TVP23C: variants seen among roughly 807,000 people sequenced by gnomAD.
TVP23C encodes the protein Golgi apparatus membrane protein TVP23 homolog C.
In TVP23C, 19 loss-of-function variants were observed where a neutral mutation model predicts 28.7. The ratio of observed to expected loss-of-function variants is 0.66; its 90% CI spans 0.46 to 0.97. The LOEUF (loss-of-function observed/expected upper bound fraction) is 0.97. Among genes scored for constraint, TVP23C ranks in the 50% least tolerant of loss-of-function variants. The probability of loss-of-function intolerance (pLI) is 0.00; values close to 1 mark genes in which losing one functional copy is unlikely to be tolerated. For synonymous variants in TVP23C, 68 were observed against 81.7 expected (o/e 0.83, Z 0.90); for missense variants, 186 against 241.3 (o/e 0.77, Z 1.52).
intron 5 of TVP23C, among the ~76,000 whole-genome samples, chr17:15,506,249 C>T (rs577351007): frequency 6.6e-6 from 1 of 152,258 alleles, no homozygotes; most frequent in Admixed American, 6.5e-5. Flanking sequence ...TGTGAGTGCA[C>T]CAATCGACAC....
intron 5 of TVP23C, among the ~76,000 whole-genome samples, chr17:15,543,243 G>A (rs1983497634): frequency 6.8e-6 from 1 of 147,766 alleles, no homozygotes; most frequent in Non-Finnish European, 1.5e-5. Flanking sequence ...CAGAGCAGCA[G>A]CCACGTGCCT....
chr17:15,563,293 C>T (rs1984486953), intron 1 of TVP23C, 144 bp downstream of exon 1: 1 of 1,446,882 alleles, frequency 6.9e-7, no homozygotes, highest in East Asian at 2.5e-5. Flanking sequence ...CCTCAGACAA[C>T]TACCCACAGC....
At chr17:15,559,665 G>A (rs2109105) in intron 1 of TVP23C, among the ~76,000 whole-genome samples, 4 of 149,032 alleles carry the variant, frequency 2.7e-5, no homozygotes, top group African/African-American at 2.4e-5. Flanking sequence ...CCAAGAAGTA[G>A]TGGCTTGGTC....
At chr17:15,559,624 G>A (rs1340841546) in intron 1 of TVP23C, among the ~76,000 whole-genome samples, 3 of 148,768 alleles carry the variant, frequency 2.0e-5, no homozygotes, top group African/African-American at 7.3e-5. Flanking sequence ...AACGCTAGGA[G>A]ACTGGTTAGG....
intron 5 of TVP23C, among the ~76,000 whole-genome samples, chr17:15,511,053 C>CAAAAAA (rs58794054): frequency 1.1e-4 from 9 of 83,388 alleles, no homozygotes; most frequent in Admixed American, 1.6e-4. Flanking sequence ...GACTTCGTCT[C>CAAAAAA]AAAAAAAAAA....
downstream of TVP23C, among the ~76,000 whole-genome samples, chr17:15,533,055 T>C (rs1415136457): frequency 6.6e-6 from 1 of 152,252 alleles, no homozygotes; most frequent in African/African-American, 2.4e-5. Flanking sequence ...TGTTCATCAA[T>C]GACTGTAGAC....
At chr17:15,550,257 G>A (rs1983829598) in intron 3 of TVP23C, among the ~76,000 whole-genome samples, 1 of 152,150 alleles carries the variant, frequency 6.6e-6, no homozygotes, top group Non-Finnish European at 1.5e-5. Flanking sequence ...TATATTTACA[G>A]TTTTTGCTTC....
At chr17:15,549,104 T>C (rs1002070486) in intron 3 of TVP23C, among the ~76,000 whole-genome samples, 3 of 152,228 alleles carry the variant, frequency 2.0e-5, no homozygotes, top group South Asian at 2.1e-4. Context: ...TGAAATCTTA[T>C]GTATTTTATA....
At chr17:15,523,892 C>G (rs1302039960) in intron 5 of TVP23C, among the ~76,000 whole-genome samples, 1 of 152,180 alleles carries the variant, frequency 6.6e-6, no homozygotes, top group Non-Finnish European at 1.5e-5. Flanking sequence ...GGATTACAGG[C>G]GTGAGCCACC....
Position 15,540,155 on chromosome 17 carries a change from A to C in TVP23C, c.*257T>G. The C allele has an allele frequency of 7.9e-7, 1 of 1,261,904 alleles. No individual in the cohort carries two copies. Among genetic ancestry groups the C allele is most frequent in the African/African-American group, 1.5e-5 (1 of 64,560 alleles). 78.2% of individuals were successfully genotyped at this position (1,261,904 alleles called of 1,614,324 possible). A position where few individuals can be genotyped will look rare whatever the true frequency, so the allele number is the denominator to read the frequency against. On this transcript the variant is annotated 3_prime_UTR_variant, in exon 6 of 6. Transcript: ENST00000518321. ...AAGGGCATTCACTTAAAGCTCCCATAATTGATGAAAAACAACTGAACTTAA... is the reference window on the plus strand; with the variant it reads ...AAGGGCATTCACTTAAAGCTCCCATCATTGATGAAAAACAACTGAACTTAA...
At chr17:15,541,007 T>C (rs1373849878) in intron 5 of TVP23C, among the ~76,000 whole-genome samples, 3 of 152,226 alleles carry the variant, frequency 2.0e-5, no homozygotes, top group Non-Finnish European at 4.4e-5. Flanking sequence ...GGGGTGAATC[T>C]CTGCTCTACG....
exon 6 of TVP23C, chr17:15,502,810 CTCTCTCTCTCTCT>C (rs1489647610): frequency 4.5e-5 from 6 of 132,144 alleles, no homozygotes; most frequent in Non-Finnish European, 7.2e-5. Context: ...CCTCTCTCTC[CTCTCTCTCTCTCT>C]CTCTCTCTCC....
intron 5 of TVP23C, among the ~76,000 whole-genome samples, chr17:15,542,516 A>G (rs1267936239): frequency 4.6e-5 from 7 of 152,040 alleles, no homozygotes; most frequent in East Asian, 3.9e-4. Context: ...TCGCTCTGTC[A>G]CTCAGGCTGG....
intron 3 of TVP23C, among the ~76,000 whole-genome samples, chr17:15,552,534 A>G (rs891711991): frequency 6.6e-6 from 1 of 152,038 alleles, no homozygotes; most frequent in African/African-American, 2.4e-5. Flanking sequence ...ATACAAAAAA[A>G]TTAGCCAGGC....
intron 5 of TVP23C, among the ~76,000 whole-genome samples, chr17:15,542,193 G>A (rs548166760): frequency 7.2e-5 from 11 of 152,268 alleles, no homozygotes; most frequent in African/African-American, 1.9e-4. Flanking sequence ...GGAACTTATA[G>A]AAAAGCAAAA....
rs1983223747 is a variant in TVP23C, at chr17:15,537,914, T to A, written c.*2498A>T. On this transcript the variant is annotated 3_prime_UTR_variant, in exon 6 of 6. Coordinates refer to ENST00000518321, the MANE Select transcript of TVP23C (RefSeq NM_001135036.2). ...CACCACAGAACAAATCTTAACAATG[T>A]TTCTAGTGCCAACATATACTTTCTA... 14 of 1,433,986 alleles carry A rather than the reference T, an allele frequency of 9.8e-6. No homozygotes were observed. Among genetic ancestry groups the A allele is most frequent in the Non-Finnish European group, 1.3e-5 (14 of 1,095,630 alleles). The allele number at this position is 1,433,986 out of a possible 1,614,324, so 88.8% of individuals were successfully genotyped here. A position where few individuals can be genotyped will look rare whatever the true frequency, so the allele number is the denominator to read the frequency against.
At chr17:15,542,912 A>G (rs1407133522) in intron 5 of TVP23C, among the ~76,000 whole-genome samples, 18 of 152,242 alleles carry the variant, frequency 1.2e-4, no homozygotes, top group Admixed American at 1.1e-3. Context: ...AACACTAGGC[A>G]TAAGTAGGTT....
At chr17:15,505,846 AC>A (rs1981707655) in intron 5 of TVP23C, among the ~76,000 whole-genome samples, 1 of 152,176 alleles carries the variant, frequency 6.6e-6, no homozygotes, top group South Asian at 2.1e-4. Flanking sequence ...GCGGCTGCGT[AC>A]GGTGTACTGG....
chr17:15,556,892 T>C lies in TVP23C; in HGVS notation c.13-1528A>G, dbSNP rs565650215. ...GCATCCCTACAAGTATAGGATAAAA[T>C]TTAACTCCTTCACATAAAGCATAGA... On this transcript the variant is annotated intron_variant, in intron 1 of 5. Transcript: ENST00000518321. 6.4e-3 allele frequency among the ~76,000 whole-genome samples: 965 copies of C among 151,772 alleles called. 11 individuals are homozygous for C. The highest frequency in any genetic ancestry group is 0.022 in the African/African-American group (905 of 41,506).
Sources: gnomAD v4.1 joint callset for allele counts (sites outside exome capture counted in the v4.1 genomes callset) on GRCh38, gnomAD v4.1.1 for gene constraint, MANE v1.5 for transcripts, NCBI Gene and HGNC (gene_info 2026-07-23, HGNC 2026-07-21) for gene names.